Variants in FAM204A observed in about 807,000 individuals in gnomAD.
FAM204A encodes the protein protein FAM204A.
A neutral mutation model predicts 35.4 loss-of-function variants in FAM204A; 16 were observed. The observed-to-expected ratio is 0.45, with a 90% CI of 0.31 to 0.69. FAM204A has a LOEUF of 0.69. Ranked by LOEUF, FAM204A falls within the 30% of genes least tolerant of loss-of-function variation. The probability of loss-of-function intolerance (pLI) is 0.07; values close to 1 mark genes in which losing one functional copy is unlikely to be tolerated. For synonymous variants in FAM204A, 76 were observed against 86.9 expected (o/e 0.88, Z 0.70); for missense variants, 240 against 265.7 (o/e 0.90, Z 0.67).
rs185808546 is a variant in FAM204A, at chr10:118,311,064, T to C, written c.650+143A>G. On this transcript the variant is annotated intron_variant, in intron 8 of 8. Coordinates refer to ENST00000369183, the MANE Select transcript of FAM204A (RefSeq NM_022063.3). The stretch of plus-strand genomic sequence containing the variant: ...ATTAAACAGGATGAAGAAATGCCTC[T>C]ATATTTATAATCTGATAAACATTCA... The C allele has an allele frequency of 1.2e-5, 12 of 1,027,882 alleles. No homozygotes were observed. The African/African-American group carries it at 1.3e-4, about 11-fold the overall frequency. 63.7% of individuals were successfully genotyped at this position (1,027,882 alleles called of 1,614,324 possible). A position where few individuals can be genotyped will look rare whatever the true frequency, so the allele number is the denominator to read the frequency against.
chr10:118,334,577 T>C (rs1393170714), intron 6 of FAM204A, among the ~76,000 whole-genome samples: 1 of 152,232 alleles, frequency 6.6e-6, no homozygotes, highest in Non-Finnish European at 1.5e-5. Flanking sequence ...TGTCATTCCC[T>C]TGACTTAAAA....
intron 6 of FAM204A, among the ~76,000 whole-genome samples, chr10:118,327,856 G>C (rs946926291): frequency 6.6e-5 from 10 of 152,184 alleles, no homozygotes; most frequent in African/African-American, 2.2e-4. Flanking sequence ...AGAGCTACTA[G>C]GGATGCTGAG....
chr10:118,310,882 GT>G lies in FAM204A; in HGVS notation c.676del (p.Thr226ProfsTer69). On this transcript the variant is annotated frameshift_variant, in exon 9 of 9. Transcript: ENST00000369183. LOFTEE classifies it high-confidence loss of function. Reference sequence around the variant, plus strand: ...TTACATGTATCCCATGTTGCTTTTGGTTTCCCATCTCTTCTTTGCTTCAAAC... The same window carrying G: ...TTACATGTATCCCATGTTGCTTTTGGTTCCCATCTCTTCTTTGCTTCAAAC... Reference protein sequence around the residue: ...WGFEAKKRWETKSNMGYM With the variant: ...WGFEAKKRWEXKSNMGYM 2.5e-6 allele frequency: 4 copies of G among 1,602,296 alleles called. No homozygotes were observed. Among genetic ancestry groups the G allele is most frequent in the Non-Finnish European group, 3.4e-6 (4 of 1,177,068 alleles).
chr10:118,338,612 A>T (rs2133295792), intron 2 of FAM204A, among the ~76,000 whole-genome samples: 1 of 152,298 alleles, frequency 6.6e-6, no homozygotes, highest in Non-Finnish European at 1.5e-5. Flanking sequence ...ACAGGCAAAA[A>T]TCCCTAGCCT....
intron 7 of FAM204A, among the ~76,000 whole-genome samples, chr10:118,321,353 T>C (rs1055127600): frequency 6.6e-6 from 1 of 152,112 alleles, no homozygotes; most frequent in African/African-American, 2.4e-5. Flanking sequence ...TTGATTATTC[T>C]TCACGGGTAC....
intron 7 of FAM204A, among the ~76,000 whole-genome samples, chr10:118,314,410 G>A (rs372656505): frequency 1.3e-5 from 2 of 152,148 alleles, no homozygotes; most frequent in East Asian, 1.9e-4. Flanking sequence ...TAAAATGAAC[G>A]TGTCTCACTT....
chr10:118,310,488 C>CAA lies in FAM204A; in HGVS notation c.*367_*368dup, dbSNP rs778043354. On this transcript the variant is annotated 3_prime_UTR_variant, in exon 9 of 9. Transcript: ENST00000369183. Reference sequence around the variant, plus strand: ...TGACAGAGCAAGCGAGGCTCTGTCTCAAAAAAAAAAAAAAAAAGAAAGAAA... The same window carrying CAA: ...TGACAGAGCAAGCGAGGCTCTGTCTCAAAAAAAAAAAAAAAAAAAGAAAGAAA... 90 of 80,926 alleles carry CAA rather than the reference C, an allele frequency of 1.1e-3. No homozygotes were observed. The highest frequency in any genetic ancestry group is 5.7e-3 in the Middle Eastern group (1 of 174). 5.0% of individuals were successfully genotyped at this position (80,926 alleles called of 1,614,324 possible). A position where few individuals can be genotyped will look rare whatever the true frequency, so the allele number is the denominator to read the frequency against.
intron 6 of FAM204A, among the ~76,000 whole-genome samples, chr10:118,327,177 TAC>T (rs1349775996): frequency 2.0e-5 from 3 of 152,188 alleles, no homozygotes; most frequent in East Asian, 1.9e-4. Flanking sequence ...CTCTACCTCT[TAC>T]AGACTTCTCC....
chr10:118,325,418 T>C (rs1415789504), intron 7 of FAM204A, among the ~76,000 whole-genome samples: 2 of 151,420 alleles, frequency 1.3e-5, no homozygotes, highest in African/African-American at 2.4e-5. Context: ...ATGGAGTAGT[T>C]AAAGTCTGAG....
chr10:118,320,017 C>T (rs1846087035), intron 7 of FAM204A, among the ~76,000 whole-genome samples: 1 of 151,900 alleles, frequency 6.6e-6, no homozygotes, highest in Admixed American at 6.6e-5. Context: ...ATAGGTATAA[C>T]TGAAATCAAC....
At chr10:118,328,229 A>G (rs1846229901) in intron 6 of FAM204A, among the ~76,000 whole-genome samples, 1 of 152,034 alleles carries the variant, frequency 6.6e-6, no homozygotes, top group Non-Finnish European at 1.5e-5. Flanking sequence ...TACCTAATTC[A>G]TCTGCTTTGC....
At chr10:118,334,980 T>A (rs1846355756) in intron 6 of FAM204A, 134 bp downstream of exon 6, 3 of 598,348 alleles carry the variant, frequency 5.0e-6, no homozygotes, top group Non-Finnish European at 8.8e-6. Context: ...ATATATTTAC[T>A]TATCTAGCAC....
Position 118,335,365 on chromosome 10 carries a change from A to G in FAM204A, c.353+31T>C, listed in dbSNP as rs534253987. On this transcript the variant is annotated intron_variant, in intron 5 of 8. Coordinates refer to ENST00000369183, the MANE Select transcript of FAM204A (RefSeq NM_022063.3). ...AGTTCAACAATTTCTACAATGGCCT[A>G]AAATAGATAACTATTTTAAATTCTA... 1.5e-5 allele frequency: 24 copies of G among 1,579,688 alleles called. No individual in the cohort carries two copies. The East Asian group carries it at 5.4e-4, about 36-fold the overall frequency.
rs1589725727 is a variant in FAM204A, at chr10:118,326,347, CA to C, written c.454-105del. 3.2e-6 allele frequency: 3 copies of C among 931,526 alleles called. No individual in the cohort carries two copies. The East Asian group carries it at 7.4e-5, about 23-fold the overall frequency. 57.7% of individuals were successfully genotyped at this position (931,526 alleles called of 1,614,324 possible). A position where few individuals can be genotyped will look rare whatever the true frequency, so the allele number is the denominator to read the frequency against. On this transcript the variant is annotated intron_variant, in intron 6 of 8. Coordinates refer to ENST00000369183, the MANE Select transcript of FAM204A (RefSeq NM_022063.3). ...TACTGAATGTGTTACACAAGTAGAC[CA>C]TTAATTCTCACAATAACACCAGAAG...
At chr10:118,316,216 T>C (rs1376630243) in intron 7 of FAM204A, among the ~76,000 whole-genome samples, 1 of 152,150 alleles carries the variant, frequency 6.6e-6, no homozygotes, top group African/African-American at 2.4e-5. Flanking sequence ...AACTCTGCAT[T>C]AATATTGATT....
rs375645234 is a variant in FAM204A at position 118,320,885 on chromosome 10, G to T, written c.543+5269C>A. On this transcript the variant is annotated intron_variant, in intron 7 of 8. Coordinates refer to ENST00000369183, the MANE Select transcript of FAM204A (RefSeq NM_022063.3). ...CAGTCTTATTTTGGAATACCGTTTT[G>T]TGTGTGTGTGTGTGTGTGGTTTTTT... Among the ~76,000 whole-genome samples the T allele has an allele frequency of 5.4e-3, 800 of 148,854 alleles. 2 individuals are homozygous for T. The highest frequency in any genetic ancestry group is 6.6e-3 in the Non-Finnish European group (441 of 66,992).
chr10:118,324,132 T>C (rs758882658), intron 7 of FAM204A, among the ~76,000 whole-genome samples: 3 of 152,134 alleles, frequency 2.0e-5, no homozygotes, highest in Non-Finnish European at 4.4e-5. Context: ...ATTAATAAAA[T>C]GCTGTTATAC....
chr10:118,321,050 T>C (rs191731335), intron 7 of FAM204A, among the ~76,000 whole-genome samples: 67 of 151,926 alleles, frequency 4.4e-4, no homozygotes, highest in African/African-American at 1.6e-3. Flanking sequence ...CTTATTATGG[T>C]TGGAAAAGGC....
chr10:118,311,887 A>G (rs1424544325), intron 7 of FAM204A, among the ~76,000 whole-genome samples: 2 of 152,206 alleles, frequency 1.3e-5, no homozygotes, highest in African/African-American at 2.4e-5. Context: ...GAAAAGGCTG[A>G]GCACCAGGAC....
Sources: allele counts gnomAD v4.1 joint callset (sites outside exome capture counted in the v4.1 genomes callset), GRCh38; gene constraint gnomAD v4.1.1; transcripts MANE v1.5; gene names NCBI Gene and HGNC (gene_info 2026-07-23, HGNC 2026-07-21).